FBXO11: variants seen among roughly 807,000 people sequenced by gnomAD.
The protein encoded by FBXO11 is F-box protein 11.
In FBXO11, 13 loss-of-function variants were observed where a neutral mutation model predicts 117.0. The ratio of observed to expected loss-of-function variants is 0.11; its 90% CI spans 0.07 to 0.18. The LOEUF is 0.18. Ranked by LOEUF, FBXO11 falls within the 10% of genes least tolerant of loss-of-function variation. FBXO11 has a pLI of 1.00. For synonymous variants in FBXO11, 490 were observed against 380.5 expected (o/e 1.29, Z -3.35); for missense variants, 767 against 1,164.4 (o/e 0.66, Z 4.97).
Position 47,839,635 on chromosome 2 carries a change from A to C in FBXO11, c.360+7T>G, listed in dbSNP as rs968281185. On this transcript the variant is annotated splice_region_variant and intron_variant, in intron 2 of 22. Transcript: ENST00000403359. ...ACAAAAAGAAAAGCAACTACAGTTA[A>C]AGTTACCTCCATACTGTTCTTTGTG... The C allele has an allele frequency of 1.2e-6, 2 of 1,608,878 alleles. No homozygotes were observed. Among genetic ancestry groups the C allele is most frequent in the African/African-American group, 2.7e-5 (2 of 74,626 alleles).
At chr2:47,837,911 T>C (rs1389263919) in intron 4 of FBXO11, among the ~76,000 whole-genome samples, 1 of 151,946 alleles carries the variant, frequency 6.6e-6, no homozygotes, top group Non-Finnish European at 1.5e-5. Flanking sequence ...TCACTTTTTA[T>C]AACAGCATTT....
At chr2:47,844,402 T>G (rs1673247584) in intron 1 of FBXO11, among the ~76,000 whole-genome samples, 1 of 152,218 alleles carries the variant, frequency 6.6e-6, no homozygotes, top group Admixed American at 6.5e-5. Context: ...TGGGTCTTTG[T>G]TTCAGATATA....
Position 47,906,035 on chromosome 2 carries a change from G to A in FBXO11, c.-315C>T. 1 of 246,494 alleles carries A rather than the reference G, an allele frequency of 4.1e-6. No individual in the cohort carries two copies. The allele number at this position is 246,494 out of a possible 1,614,324, so 15.3% of individuals were successfully genotyped here. A position where few individuals can be genotyped will look rare whatever the true frequency, so the allele number is the denominator to read the frequency against. ...GCAGACCGAGAGAAAGAAAGAAAGGGCGTCCGCCGCTTGGGGATCCCGAGG... is the reference window on the plus strand; with the variant it reads ...GCAGACCGAGAGAAAGAAAGAAAGGACGTCCGCCGCTTGGGGATCCCGAGG... On this transcript the variant is annotated 5_prime_UTR_variant, in exon 1 of 23. Transcript: ENST00000403359.
chr2:47,812,592 C>A (rs1670700567), intron 18 of FBXO11, among the ~76,000 whole-genome samples: 1 of 152,102 alleles, frequency 6.6e-6, no homozygotes, highest in Non-Finnish European at 1.5e-5. Context: ...AAATTTTGTT[C>A]ATTAAATCTT....
intron 1 of FBXO11, among the ~76,000 whole-genome samples, chr2:47,886,869 T>C (rs1356128412): frequency 3.3e-5 from 5 of 152,052 alleles, no homozygotes; most frequent in Non-Finnish European, 2.9e-5. Flanking sequence ...CCCCTGTCTC[T>C]ACCAAAAAAA....
In FBXO11 at chr2:47,807,917, A is replaced by G; in HGVS notation, c.*201T>C. 3 of 531,102 alleles carry G rather than the reference A, an allele frequency of 5.6e-6. No individual in the cohort carries two copies. The South Asian group carries it at 7.3e-5, about 13-fold the overall frequency. The allele number at this position is 531,102 out of a possible 1,614,324, so 32.9% of individuals were successfully genotyped here. ...CAAGTCTTTACACAGTAATGCTAAAACACCCAGCTTTGAGATCCTGAGTCA... is the reference window on the plus strand; with the variant it reads ...CAAGTCTTTACACAGTAATGCTAAAGCACCCAGCTTTGAGATCCTGAGTCA... On this transcript the variant is annotated 3_prime_UTR_variant, in exon 23 of 23. Coordinates refer to ENST00000403359, the MANE Select transcript of FBXO11 (RefSeq NM_001190274.2).
intron 1 of FBXO11, among the ~76,000 whole-genome samples, chr2:47,901,036 C>A (rs527504308): frequency 6.2e-4 from 85 of 136,230 alleles, no homozygotes; most frequent in African/African-American, 2.0e-3. Flanking sequence ...TATATACACA[C>A]GTGTGTACAT....
intron 1 of FBXO11, among the ~76,000 whole-genome samples, chr2:47,844,644 C>T (rs148669898): frequency 1.3e-5 from 2 of 152,142 alleles, no homozygotes; most frequent in East Asian, 1.9e-4. Flanking sequence ...GTTCTTAATG[C>T]GTATTTCTTT....
chr2:47,850,445 G>C (rs1400406395), intron 1 of FBXO11, among the ~76,000 whole-genome samples: 1 of 152,186 alleles, frequency 6.6e-6, no homozygotes, highest in African/African-American at 2.4e-5. Flanking sequence ...GGAATGGGGA[G>C]TCAGAAAGCA....
chr2:47,844,930 C>T (rs2104906492), intron 1 of FBXO11, among the ~76,000 whole-genome samples: 1 of 152,320 alleles, frequency 6.6e-6, no homozygotes, highest in East Asian at 1.9e-4. Flanking sequence ...AGCCACTGTG[C>T]CCAGCCCTTA....
chr2:47,902,499 G>A (rs1230893567), intron 1 of FBXO11, among the ~76,000 whole-genome samples: 1 of 152,000 alleles, frequency 6.6e-6, no homozygotes, highest in Non-Finnish European at 1.5e-5. Context: ...GGCCATTACA[G>A]ATAAGACAAA....
chr2:47,820,703 GAGTA>G (rs1323642069), intron 13 of FBXO11, among the ~76,000 whole-genome samples: 14 of 152,302 alleles, frequency 9.2e-5, no homozygotes, highest in Non-Finnish European at 2.1e-4. Context: ...GTGTGACCCT[GAGTA>G]AGTAATTTAA....
intron 1 of FBXO11, among the ~76,000 whole-genome samples, chr2:47,875,824 T>C (rs965133899): frequency 1.3e-5 from 2 of 152,312 alleles, no homozygotes; most frequent in Middle Eastern, 3.4e-3. Flanking sequence ...GGTTTAGCCT[T>C]CTTCATTCTC....
intron 5 of FBXO11, 33 bp downstream of exon 5, chr2:47,835,839 T>C: frequency 6.6e-7 from 1 of 1,525,104 alleles, no homozygotes; most frequent in Non-Finnish European, 8.9e-7. Flanking sequence ...AAATGTATAA[T>C]ATAAACCAAT....
intron 7 of FBXO11, 82 bp from the exon 8 acceptor site, chr2:47,833,152 A>G (rs1208380141): frequency 2.4e-6 from 2 of 848,820 alleles, no homozygotes; most frequent in African/African-American, 1.7e-5. Context: ...AACTTACTAA[A>G]AACATTAGTA....
At chr2:47,904,439 T>C (rs925467832) in intron 1 of FBXO11, among the ~76,000 whole-genome samples, 1 of 152,102 alleles carries the variant, frequency 6.6e-6, no homozygotes, top group African/African-American at 2.4e-5. Context: ...GAACTGAACA[T>C]TATTTTTGCT....
Position 47,822,242 on chromosome 2 carries a change from G to C in FBXO11, c.1678C>G (p.Leu560Val). Residue 560 changes from leucine (L) to valine (V), a missense_variant, in exon 13 of 23, where the codon CTT becomes GTT. By Grantham distance (32) the Leu-to-Val change is conservative. Around this residue, in one of 10 missense-constraint regions of FBXO11, gnomAD observed 67 missense variants for 148.8 expected, o/e 0.45. Coordinates refer to ENST00000403359, the MANE Select transcript of FBXO11 (RefSeq NM_001190274.2). ...CCATAAATGTCATTTCCTTCAATAA[G>C]GCCTCGTCCATCACCAAAGATGTAA... ...GVYIFGDGRGLIEGNDIYGNA... is the reference protein window; with the variant it reads ...GVYIFGDGRGVIEGNDIYGNA... 1 of 1,599,792 alleles carries C rather than the reference G, an allele frequency of 6.3e-7. No homozygotes were observed. Among genetic ancestry groups the C allele is most frequent in the Non-Finnish European group, 8.5e-7 (1 of 1,172,986 alleles).
intron 1 of FBXO11, among the ~76,000 whole-genome samples, chr2:47,872,583 C>G (rs1378202831): frequency 2.6e-5 from 4 of 152,194 alleles, no homozygotes; most frequent in Non-Finnish European, 5.9e-5. Flanking sequence ...CTCGGCATCC[C>G]AAAGTGCTGG....
chr2:47,877,130 G>A (rs1031329944), intron 1 of FBXO11, among the ~76,000 whole-genome samples: 8 of 151,600 alleles, frequency 5.3e-5, no homozygotes, highest in African/African-American at 1.7e-4. Context: ...GGGCTTAAGC[G>A]ATCCTCCCAC....
Sources: allele counts gnomAD v4.1 joint callset (sites outside exome capture counted in the v4.1 genomes callset), GRCh38; gene constraint gnomAD v4.1.1; regional missense constraint gnomAD v4.1.1; transcripts MANE v1.5; gene names NCBI Gene and HGNC (gene_info 2026-07-23, HGNC 2026-07-21).